KCNT2: variants seen among roughly 807,000 people sequenced by gnomAD.
KCNT2 encodes the protein potassium channel subfamily T member 2.
In KCNT2, 67 loss-of-function variants were observed where a neutral mutation model predicts 153.8. The ratio of observed to expected loss-of-function variants is 0.44; its 90% CI spans 0.36 to 0.53. The LOEUF is 0.53. Ranked by LOEUF, KCNT2 falls within the 20% of genes least tolerant of loss-of-function variation. KCNT2 has a pLI of 0.00. For synonymous variants in KCNT2, 500 were observed against 458.8 expected (o/e 1.09, Z -1.15); for missense variants, 975 against 1,354.8 (o/e 0.72, Z 4.40).
At chr1:196,502,451 A>G (rs1169350859) in intron 1 of KCNT2, among the ~76,000 whole-genome samples, 2 of 152,228 alleles carry the variant, frequency 1.3e-5, no homozygotes, top group African/African-American at 2.4e-5. Context: ...AGACACGTAT[A>G]TGCACATATA....
In KCNT2 at chr1:196,260,890, A is replaced by G. The variant is rs146341039; in HGVS notation, c.2911-2396T>C. On this transcript the variant is annotated intron_variant, in intron 25 of 27. Coordinates refer to ENST00000294725, the MANE Select transcript of KCNT2 (RefSeq NM_198503.5). ...GAAAATTCATATCACATTAATATAT[A>G]AAGAAAACATCTGTCAACTGTAAAC... Among the ~76,000 whole-genome samples the G allele has an allele frequency of 2.0e-5, 3 of 151,990 alleles. No individual in the cohort carries two copies. The East Asian group carries it at 5.8e-4, about 29-fold the overall frequency.
At chr1:196,487,592 A>C (rs1033136586) in intron 3 of KCNT2, among the ~76,000 whole-genome samples, 1 of 152,002 alleles carries the variant, frequency 6.6e-6, no homozygotes, top group Non-Finnish European at 1.5e-5. Flanking sequence ...TCCTACTTCA[A>C]TCTAAAAAAT....
intron 1 of KCNT2, among the ~76,000 whole-genome samples, chr1:196,581,158 G>A (rs963352958): frequency 6.6e-6 from 1 of 151,690 alleles, no homozygotes; most frequent in Non-Finnish European, 1.5e-5. Context: ...TTACCTTTCT[G>A]TACCACATAG....
intron 3 of KCNT2, among the ~76,000 whole-genome samples, chr1:196,487,357 C>T (rs1679506886): frequency 1.3e-5 from 2 of 151,476 alleles, no homozygotes; most frequent in Non-Finnish European, 1.5e-5. Flanking sequence ...TAGGACAACA[C>T]ATAATCACAA....
chr1:196,506,173 C>G (rs2148781948), intron 1 of KCNT2, among the ~76,000 whole-genome samples: 1 of 152,220 alleles, frequency 6.6e-6, no homozygotes, highest in South Asian at 2.1e-4. Flanking sequence ...TGAGCATGAG[C>G]TTCGTATATG....
chr1:196,443,802 C>T (rs1474815595), intron 8 of KCNT2, among the ~76,000 whole-genome samples: 4 of 151,484 alleles, frequency 2.6e-5, no homozygotes, highest in African/African-American at 9.7e-5. Context: ...AGGATTTGGG[C>T]ACAGAACTAT....
At chr1:196,454,912 G>A (rs868067091) in intron 8 of KCNT2, among the ~76,000 whole-genome samples, 16 of 152,054 alleles carry the variant, frequency 1.1e-4, no homozygotes, top group Non-Finnish European at 1.5e-4. Context: ...AGAAGCTCTA[G>A]GGGAGAATCT....
chr1:196,365,428 T>A (rs1216674040), intron 14 of KCNT2, among the ~76,000 whole-genome samples: 1 of 152,166 alleles, frequency 6.6e-6, no homozygotes, highest in Non-Finnish European at 1.5e-5. Context: ...CTGAATAATA[T>A]ATCACTTGAA....
intron 13 of KCNT2, among the ~76,000 whole-genome samples, chr1:196,398,290 C>T (rs1671119763): frequency 1.3e-5 from 2 of 151,304 alleles, no homozygotes; most frequent in Non-Finnish European, 3.0e-5. Flanking sequence ...TCTACTACTG[C>T]TAATATATTT....
chr1:196,239,199 G>T (rs1177803384), intron 26 of KCNT2, among the ~76,000 whole-genome samples: 1 of 151,744 alleles, frequency 6.6e-6, no homozygotes, highest in Non-Finnish European at 1.5e-5. Flanking sequence ...AATTTGCAGT[G>T]AATATATTTA....
intron 1 of KCNT2, among the ~76,000 whole-genome samples, chr1:196,529,884 T>C (rs1374214967): frequency 2.6e-5 from 4 of 152,100 alleles, no homozygotes; most frequent in African/African-American, 9.6e-5. Flanking sequence ...TCAGAAAATA[T>C]AACCTATGAT....
intron 8 of KCNT2, among the ~76,000 whole-genome samples, chr1:196,445,724 A>G (rs1270100768): frequency 1.3e-5 from 2 of 151,426 alleles, no homozygotes; most frequent in East Asian, 3.9e-4. Context: ...CATTTCATGG[A>G]CTATAATATT....
At chr1:196,390,550 A>G (rs975389789) in intron 13 of KCNT2, among the ~76,000 whole-genome samples, 2 of 151,432 alleles carry the variant, frequency 1.3e-5, no homozygotes, top group African/African-American at 2.4e-5. Context: ...CTGGACAACT[A>G]TAATAGCTTC....
intron 12 of KCNT2, among the ~76,000 whole-genome samples, chr1:196,401,743 A>T (rs1402712137): frequency 6.6e-6 from 1 of 151,696 alleles, no homozygotes; most frequent in East Asian, 1.9e-4. Flanking sequence ...CAAAAAGAAA[A>T]CAAATGAGAA....
intron 22 of KCNT2, among the ~76,000 whole-genome samples, chr1:196,301,842 C>T (rs931549155): frequency 1.3e-5 from 2 of 152,256 alleles, no homozygotes; most frequent in Non-Finnish European, 1.5e-5. Context: ...TGGATTCAAG[C>T]GATTCTCATG....
At chr1:196,396,545 T>C (rs986979925) in intron 13 of KCNT2, among the ~76,000 whole-genome samples, 1 of 151,518 alleles carries the variant, frequency 6.6e-6, no homozygotes. Flanking sequence ...ATATAAAATA[T>C]ATGGTATTGT....
chr1:196,243,272 T>C (rs1558059536), intron 26 of KCNT2, among the ~76,000 whole-genome samples: 1 of 152,184 alleles, frequency 6.6e-6, no homozygotes, highest in Admixed American at 6.5e-5. Context: ...GAAGTGTTTT[T>C]CCACAGAGGA....
At chr1:196,426,371 A>T (rs1294652460) in intron 10 of KCNT2, among the ~76,000 whole-genome samples, 2 of 152,032 alleles carry the variant, frequency 1.3e-5, no homozygotes, top group Non-Finnish European at 2.9e-5. Flanking sequence ...TTCATACTTC[A>T]TTACTTTTAG....
At chr1:196,583,828 A>C (rs1424392169) in intron 1 of KCNT2, among the ~76,000 whole-genome samples, 2 of 152,164 alleles carry the variant, frequency 1.3e-5, no homozygotes, top group Non-Finnish European at 2.9e-5. Context: ...AGAGTAAATA[A>C]GAGCCAGGAA....
Sources: gnomAD v4.1 joint callset for allele counts (sites outside exome capture counted in the v4.1 genomes callset) on GRCh38, gnomAD v4.1.1 for gene constraint, MANE v1.5 for transcripts, NCBI Gene and HGNC (gene_info 2026-07-23, HGNC 2026-07-21) for gene names.